Variants in DPP6 observed in about 807,000 individuals in gnomAD.
DPP6 encodes A-type potassium channel modulatory protein DPP6.
In DPP6, 69 loss-of-function variants were observed where a neutral mutation model predicts 122.6. That is an observed-to-expected ratio of 0.56 (90% CI 0.46 to 0.69). The LOEUF is 0.69. DPP6 is among the 30% of genes least tolerant of loss of function. The pLI is 0.00. For synonymous variants in DPP6, 418 were observed against 433.1 expected (o/e 0.97, Z 0.43); for missense variants, 928 against 1,116.9 (o/e 0.83, Z 2.41).
intron 1 of DPP6, among the ~76,000 whole-genome samples, chr7:154,220,081 T>C (rs1429028353): frequency 6.6e-6 from 1 of 152,230 alleles, no homozygotes; most frequent in East Asian, 1.9e-4. Context: ...TTGCTAGACT[T>C]GTGCTATGGT....
Position 153,892,718 on chromosome 7 carries a change from A to C in DPP6, c.51+4984A>C, listed in dbSNP as rs143019497. ...GTATCAGATTGGTCACTTGGTAACA[A>C]AATGCTTGGTGCTGGTTCTAAATGG... On this transcript the variant is annotated intron_variant, in intron 1 of 25. Coordinates refer to the DPP6 transcript ENST00000404039. Among the ~76,000 whole-genome samples the C allele has an allele frequency of 5.9e-3, 894 of 152,184 alleles. 16 individuals carry two copies. The highest frequency in any genetic ancestry group is 0.02 in the African/African-American group (842 of 41,468).
intron 8 of DPP6, among the ~76,000 whole-genome samples, chr7:154,747,287 G>A (rs988536876): frequency 2.6e-5 from 4 of 152,160 alleles, no homozygotes; most frequent in Non-Finnish European, 4.4e-5. Flanking sequence ...TTACTTCAAA[G>A]CTGGATCTAA....
intron 1 of DPP6, among the ~76,000 whole-genome samples, chr7:154,198,996 C>G (rs1799021438): frequency 6.7e-6 from 1 of 148,334 alleles, no homozygotes; most frequent in Non-Finnish European, 1.5e-5. Context: ...AAATCCTTCA[C>G]CTGGGCTATT....
chr7:154,386,050 G>GA (rs1323391707), intron 1 of DPP6, among the ~76,000 whole-genome samples: 1 of 152,148 alleles, frequency 6.6e-6, no homozygotes, highest in Non-Finnish European at 1.5e-5. Context: ...GTGTGCTCAG[G>GA]AAAAATGCTG....
chr7:154,440,836 A>C (rs10242545), intron 1 of DPP6, among the ~76,000 whole-genome samples: 84,639 of 151,922 alleles, frequency 0.56, 25,720 homozygotes, highest in African/African-American at 0.81. Flanking sequence ...GCTGTCCCCA[A>C]TGTGGCTGGC....
chr7:153,982,404 A>G (rs182329641), intron 1 of DPP6, among the ~76,000 whole-genome samples: 2 of 151,968 alleles, frequency 1.3e-5, no homozygotes, highest in South Asian at 2.1e-4. Flanking sequence ...CAGGTCATTT[A>G]TGTTCTTCTC....
intron 1 of DPP6, among the ~76,000 whole-genome samples, chr7:154,045,946 G>C (rs899194510): frequency 6.6e-6 from 1 of 152,078 alleles, no homozygotes; most frequent in African/African-American, 2.4e-5. Flanking sequence ...GCATGGACTT[G>C]ACCATGCCAT....
chr7:154,049,285 G>A (rs1302399941), upstream of DPP6, among the ~76,000 whole-genome samples: 6 of 114,192 alleles, frequency 5.3e-5, no homozygotes, highest in East Asian at 2.2e-4. Flanking sequence ...GCTCCTCTTC[G>A]GGGTATCTTT....
At chr7:154,130,223 C>T (rs1293343655) in intron 1 of DPP6, among the ~76,000 whole-genome samples, 1 of 152,094 alleles carries the variant, frequency 6.6e-6, no homozygotes, top group Non-Finnish European at 1.5e-5. Context: ...AAGCTGTTGG[C>T]AGGGATGTGT....
chr7:154,160,249 A>G (rs1352324270), intron 1 of DPP6, among the ~76,000 whole-genome samples: 8 of 152,130 alleles, frequency 5.3e-5, no homozygotes, highest in Non-Finnish European at 1.0e-4. Flanking sequence ...GAGTTCCTCC[A>G]TCCTGAATCA....
At chr7:154,589,574 C>T (rs919161773) in intron 5 of DPP6, among the ~76,000 whole-genome samples, 1 of 152,228 alleles carries the variant, frequency 6.6e-6, no homozygotes, top group African/African-American at 2.4e-5. Flanking sequence ...GTGGCATTAC[C>T]CACACGTGGC....
intron 1 of DPP6, among the ~76,000 whole-genome samples, chr7:154,029,259 G>C (rs1327670760): frequency 6.6e-6 from 1 of 150,884 alleles, no homozygotes; most frequent in Non-Finnish European, 1.5e-5. Context: ...GCTCACACCT[G>C]TAATCCCAGC....
intron 1 of DPP6, among the ~76,000 whole-genome samples, chr7:154,368,887 G>A (rs1164468613): frequency 6.6e-6 from 1 of 152,170 alleles, no homozygotes; most frequent in African/African-American, 2.4e-5. Flanking sequence ...ACGGCAAGCT[G>A]CATTTTTTTC....
At chr7:154,351,942 G>A (rs552398988) in intron 1 of DPP6, among the ~76,000 whole-genome samples, 3 of 152,154 alleles carry the variant, frequency 2.0e-5, no homozygotes, top group Non-Finnish European at 4.4e-5. Flanking sequence ...GAAGGTGGGA[G>A]TGAGGATGAT....
At chr7:154,453,022 T>G (rs548519533) in intron 2 of DPP6, among the ~76,000 whole-genome samples, 1 of 152,346 alleles carries the variant, frequency 6.6e-6, no homozygotes, top group Middle Eastern at 3.4e-3. Context: ...ATATTAAATA[T>G]GTATCTGTCT....
intron 1 of DPP6, among the ~76,000 whole-genome samples, chr7:154,190,338 G>T (rs1404034286): frequency 6.6e-6 from 1 of 151,992 alleles, no homozygotes; most frequent in Non-Finnish European, 1.5e-5. Context: ...AATACCCAGG[G>T]GAGGAAAAGA....
chr7:154,376,517 G>C (rs1029485528), intron 1 of DPP6, among the ~76,000 whole-genome samples: 9 of 152,182 alleles, frequency 5.9e-5, no homozygotes, highest in Non-Finnish European at 2.9e-5. Flanking sequence ...TATGAGATTT[G>C]AAATCTAGAA....
intron 1 of DPP6, among the ~76,000 whole-genome samples, chr7:154,091,215 G>A (rs1471041598): frequency 1.6e-4 from 24 of 152,240 alleles, no homozygotes; most frequent in Admixed American, 4.6e-4. Context: ...GAAGGGAACA[G>A]GAAAGAAACA....
chr7:154,425,623 T>TAAA (rs1817840790), intron 1 of DPP6, among the ~76,000 whole-genome samples: 5 of 116,522 alleles, frequency 4.3e-5, no homozygotes, highest in African/African-American at 2.4e-4. Context: ...TGTGTGTGGG[T>TAAA]GTGTGTGTGT....
Sources: allele counts gnomAD v4.1 joint callset (sites outside exome capture counted in the v4.1 genomes callset), GRCh38; gene constraint gnomAD v4.1.1; transcripts MANE v1.5; gene names NCBI Gene and HGNC (gene_info 2026-07-23, HGNC 2026-07-21).